Variants in SMC6 observed in about 807,000 individuals in gnomAD.
The protein encoded by SMC6 is structural maintenance of chromosomes protein 6.
Under a neutral mutation model 142.2 loss-of-function variants are expected in SMC6, and 79 were observed. That is an observed-to-expected ratio of 0.56 (90% CI 0.46 to 0.67). The LOEUF is 0.67. SMC6 is among the 30% of genes least tolerant of loss of function. The pLI, the probability that SMC6 is intolerant of heterozygous loss-of-function variation, is 0.00. For synonymous variants in SMC6, 411 were observed against 412.4 expected (o/e 1.00, Z 0.04); for missense variants, 1,072 against 1,284.0 (o/e 0.83, Z 2.52).
chr2:17,701,185 C>T (rs1668254703), intron 20 of SMC6, among the ~76,000 whole-genome samples: 1 of 151,814 alleles, frequency 6.6e-6, no homozygotes, highest in African/African-American at 2.4e-5. Flanking sequence ...GCTTCACTAG[C>T]ACTGAGACTT....
intron 25 of SMC6, 83 bp downstream of exon 25, chr2:17,678,776 T>TA (rs1051596172): frequency 3.0e-4 from 310 of 1,020,826 alleles, no homozygotes; most frequent in Non-Finnish European, 3.5e-4. Context: ...ACTCTGCCTC[T>TA]AAAAAAAACC....
rs61348893 is a variant in SMC6 at position 17,701,033 on chromosome 2, AAATAATAATAATAAT to A, written c.2224-670_2224-656del. 9.7e-5 allele frequency among the ~76,000 whole-genome samples: 14 copies of A among 144,322 alleles called. 1 individual carries two copies. Among genetic ancestry groups the A allele is most frequent in the African/African-American group, 2.5e-4 (10 of 39,750 alleles). The allele number at this position is 144,322 out of a possible 152,430, so 94.7% of individuals were successfully genotyped here. ...GCAACAAGAGTGATACTCCGTCTCA[AAATAATAATAATAAT>A]AATAATAATAATAATAATAATACAA... On this transcript the variant is annotated intron_variant, in intron 20 of 27. Coordinates refer to ENST00000448223, the MANE Select transcript of SMC6 (RefSeq NM_001142286.2).
intron 22 of SMC6, 91 bp from the exon 23 acceptor site, chr2:17,695,388 T>G (rs1667941111): frequency 9.6e-7 from 1 of 1,046,560 alleles, no homozygotes; most frequent in Admixed American, 2.8e-5. Context: ...AGTAAAATTC[T>G]GAACTCATTT....
rs542291428 is a variant in SMC6 at position 17,717,975 on chromosome 2, G to A, written c.1092+102C>T. ...CACTCCAGCCTGGGTGACAGAGCAAGACTATTTCAAAAAAAATAAAATATA... is the reference window on the plus strand; with the variant it reads ...CACTCCAGCCTGGGTGACAGAGCAAAACTATTTCAAAAAAAATAAAATATA... On this transcript the variant is annotated intron_variant, in intron 12 of 27. Coordinates refer to ENST00000448223, the MANE Select transcript of SMC6 (RefSeq NM_001142286.2). 7 of 1,226,750 alleles carry A rather than the reference G, an allele frequency of 5.7e-6. No individual in the cohort carries two copies. The South Asian group carries it at 1.1e-4, about 19-fold the overall frequency. 76.0% of individuals were successfully genotyped at this position (1,226,750 alleles called of 1,614,324 possible). A position where few individuals can be genotyped will look rare whatever the true frequency, so the allele number is the denominator to read the frequency against.
chr2:17,673,868 C>A (rs1047755421), intron 25 of SMC6, among the ~76,000 whole-genome samples: 1 of 151,998 alleles, frequency 6.6e-6, no homozygotes, highest in Non-Finnish European at 1.5e-5. Flanking sequence ...CACGCCCGGC[C>A]GCTTACTGTT....
At chr2:17,736,029 T>C (rs546477146) in intron 5 of SMC6, among the ~76,000 whole-genome samples, 2 of 152,090 alleles carry the variant, frequency 1.3e-5, no homozygotes, top group East Asian at 3.9e-4. Context: ...TGCAATAGAG[T>C]AAGAGCAGAA....
At chr2:17,712,262 T>C (rs527363629) in intron 16 of SMC6, among the ~76,000 whole-genome samples, 16 of 152,212 alleles carry the variant, frequency 1.1e-4, no homozygotes, top group Non-Finnish European at 1.9e-4. Context: ...AGGAGAGGTG[T>C]ATTTTTAAAA....
At chr2:17,666,803 C>T (rs1394754358) in intron 26 of SMC6, among the ~76,000 whole-genome samples, 2 of 141,690 alleles carry the variant, frequency 1.4e-5, no homozygotes, top group Non-Finnish European at 3.0e-5. Flanking sequence ...TGTATAATAG[C>T]GAGACCCTGT....
intron 9 of SMC6, among the ~76,000 whole-genome samples, chr2:17,721,515 G>C (rs1669374265): frequency 6.6e-6 from 1 of 152,062 alleles, no homozygotes; most frequent in Non-Finnish European, 1.5e-5. Flanking sequence ...AAAGGTTCAA[G>C]ACTACACAAA....
chr2:17,698,447 G>A (rs995489327), intron 21 of SMC6, among the ~76,000 whole-genome samples: 7 of 151,884 alleles, frequency 4.6e-5, no homozygotes, highest in African/African-American at 1.7e-4. Context: ...TGTATTTTTG[G>A]TGGACTGAAC....
At chr2:17,717,961 G>T in intron 12 of SMC6, 116 bp downstream of exon 12, 1 of 1,073,650 alleles carries the variant, frequency 9.3e-7, no homozygotes, top group Non-Finnish European at 1.3e-6. Flanking sequence ...ACTCCAGCCT[G>T]GGTGACAGAG....
At chr2:17,729,471 T>TA (rs1172069158) in intron 7 of SMC6, among the ~76,000 whole-genome samples, 1 of 151,878 alleles carries the variant, frequency 6.6e-6, no homozygotes, top group East Asian at 1.9e-4. Context: ...TTCTAATAAA[T>TA]ACAGCTGTCC....
intron 7 of SMC6, among the ~76,000 whole-genome samples, chr2:17,730,325 G>A (rs1006313463): frequency 6.7e-6 from 1 of 149,966 alleles, no homozygotes; most frequent in Non-Finnish European, 1.5e-5. Context: ...CTCCAAAATA[G>A]AGAAATGCTT....
At chr2:17,678,039 G>A (rs1667078492) in intron 25 of SMC6, among the ~76,000 whole-genome samples, 1 of 151,886 alleles carries the variant, frequency 6.6e-6, no homozygotes, top group East Asian at 1.9e-4. Flanking sequence ...ATCTCCATAT[G>A]CCCTCTTTTA....
chr2:17,669,780 G>A (rs1049661848), intron 26 of SMC6, among the ~76,000 whole-genome samples: 4 of 152,178 alleles, frequency 2.6e-5, no homozygotes, highest in Non-Finnish European at 5.9e-5. Flanking sequence ...GCTAATTTAT[G>A]AGAACTTACT....
chr2:17,711,636 T>G (rs1293092799), intron 16 of SMC6, among the ~76,000 whole-genome samples: 1 of 152,174 alleles, frequency 6.6e-6, no homozygotes, highest in African/African-American at 2.4e-5. Flanking sequence ...TTTATTTTAT[T>G]TTTTTGAGAC....
intron 16 of SMC6, among the ~76,000 whole-genome samples, chr2:17,710,620 G>C (rs950173678): frequency 2.6e-5 from 4 of 152,126 alleles, no homozygotes; most frequent in African/African-American, 9.7e-5. Context: ...AATGAGAAGA[G>C]TGAGGTCCTT....
intron 16 of SMC6, among the ~76,000 whole-genome samples, chr2:17,714,092 G>GT (rs10574833): frequency 1.5e-3 from 205 of 139,050 alleles, no homozygotes; most frequent in South Asian, 4.8e-3. Flanking sequence ...TGTTTTTTTT[G>GT]TTTTTTTTTT....
chr2:17,734,891 C>A (rs1389517927), intron 5 of SMC6, among the ~76,000 whole-genome samples: 2 of 152,084 alleles, frequency 1.3e-5, no homozygotes, highest in East Asian at 3.9e-4. Flanking sequence ...ACCACCACAT[C>A]CAGCTAATTT....
Sources: gnomAD v4.1 joint callset for allele counts (sites outside exome capture counted in the v4.1 genomes callset) on GRCh38, gnomAD v4.1.1 for gene constraint, MANE v1.5 for transcripts, NCBI Gene and HGNC (gene_info 2026-07-23, HGNC 2026-07-21) for gene names.